ANO10: variants seen among roughly 807,000 people sequenced by gnomAD.
ANO10 encodes the protein anoctamin-10.
ANO10 carries 77 observed loss-of-function variants against 74.7 expected under a neutral mutation model. That is an observed-to-expected ratio of 1.03 (90% CI 0.86 to 1.25). The LOEUF (loss-of-function observed/expected upper bound fraction) is 1.25. ANO10 is among the 50% of genes most tolerant of loss of function. The pLI, the probability that ANO10 is intolerant of heterozygous loss-of-function variation, is 0.00. For missense variants in ANO10, 721 were observed against 778.1 expected (o/e 0.93, Z 0.87); for synonymous variants, 279 against 284.9 (o/e 0.98, Z 0.21).
intron 11 of ANO10, among the ~76,000 whole-genome samples, chr3:43,534,838 C>A (rs2078634343): frequency 6.6e-6 from 1 of 152,164 alleles, no homozygotes; most frequent in Admixed American, 6.5e-5. Flanking sequence ...AATTACAGTG[C>A]TGCAAACCAG....
At chr3:43,579,306 T>G (rs1265011011) in intron 5 of ANO10, among the ~76,000 whole-genome samples, 4 of 152,224 alleles carry the variant, frequency 2.6e-5, no homozygotes, top group Non-Finnish European at 5.9e-5. Context: ...AAAAGATGTT[T>G]GGCCTGCTAG....
intron 11 of ANO10, among the ~76,000 whole-genome samples, chr3:43,474,175 C>T (rs148063296): frequency 4.3e-4 from 66 of 152,294 alleles, no homozygotes; most frequent in African/African-American, 1.3e-3. Flanking sequence ...ACTGATTACA[C>T]GTGGTCATAC....
intron 1 of ANO10, among the ~76,000 whole-genome samples, chr3:43,675,697 A>G (rs2084113025): frequency 1.3e-5 from 2 of 152,110 alleles, no homozygotes; most frequent in African/African-American, 4.8e-5. Flanking sequence ...CTACACACCC[A>G]TCACTACACA....
At chr3:43,584,095 G>T (rs970536080) in intron 4 of ANO10, among the ~76,000 whole-genome samples, 8 of 152,222 alleles carry the variant, frequency 5.3e-5, no homozygotes, top group Non-Finnish European at 1.2e-4. Context: ...GGAGAAGGCA[G>T]AGTCTGAGGG....
In ANO10 at chr3:43,577,245, G is replaced by C; in HGVS notation, c.609C>G (p.Tyr203Ter). 6.2e-7 allele frequency: 1 copy of C among 1,613,636 alleles called. No individual in the cohort carries two copies. The highest frequency in any genetic ancestry group is 2.2e-5 in the East Asian group (1 of 44,882). ...AGTACAGAGCAATTGTTTCCCCAAAGTAGCCACGAATACTGTCTATAGTGG... is the reference window on the plus strand; with the variant it reads ...AGTACAGAGCAATTGTTTCCCCAAACTAGCCACGAATACTGTCTATAGTGG... ...KYQPIDSIRGYFGETIALYFG... is the reference protein window; with the variant it reads ...KYQPIDSIRG The change falls in exon 6 of 13, where the codon TAC (tyrosine) becomes TAG (stop). Residue 203 changes from tyrosine (Y) to a stop codon, truncating the protein, a stop_gained. Coordinates refer to ENST00000292246, the MANE Select transcript of ANO10 (RefSeq NM_018075.5). LOFTEE classifies it high-confidence loss of function.
At chr3:43,492,918 C>T (rs1173510648) in intron 11 of ANO10, among the ~76,000 whole-genome samples, 1 of 152,024 alleles carries the variant, frequency 6.6e-6, no homozygotes, top group Admixed American at 6.6e-5. Flanking sequence ...ACCATTTGAC[C>T]CAGCCATCCC....
At chr3:43,639,959 C>T (rs147629027) in intron 1 of ANO10, among the ~76,000 whole-genome samples, 2 of 152,176 alleles carry the variant, frequency 1.3e-5, no homozygotes, top group South Asian at 2.1e-4. Flanking sequence ...ACTGGAGTGT[C>T]GCTAGCCTAA....
chr3:43,525,907 G>C (rs1256253076), intron 11 of ANO10, among the ~76,000 whole-genome samples: 2 of 152,024 alleles, frequency 1.3e-5, no homozygotes, highest in Non-Finnish European at 2.9e-5. Flanking sequence ...TAAATCCAAG[G>C]GTCTGCTGCC....
intron 11 of ANO10, among the ~76,000 whole-genome samples, chr3:43,512,571 G>A (rs1290654571): frequency 3.3e-5 from 5 of 152,068 alleles, no homozygotes; most frequent in Non-Finnish European, 5.9e-5. Flanking sequence ...GATATATTAC[G>A]TTTTGCAGTG....
chr3:43,466,499 C>T (rs1307384211), intron 11 of ANO10, among the ~76,000 whole-genome samples: 2 of 151,054 alleles, frequency 1.3e-5, no homozygotes, highest in East Asian at 1.9e-4. Context: ...AGACAAGGTG[C>T]GAAAGTAATC....
chr3:43,470,108 A>G (rs1179364317), intron 11 of ANO10, among the ~76,000 whole-genome samples: 1 of 152,236 alleles, frequency 6.6e-6, no homozygotes, highest in East Asian at 1.9e-4. Flanking sequence ...TAAATTGATA[A>G]ACAAACTGTT....
intron 11 of ANO10, among the ~76,000 whole-genome samples, chr3:43,489,788 T>C (rs939104717): frequency 6.6e-6 from 1 of 152,018 alleles, no homozygotes; most frequent in African/African-American, 2.4e-5. Context: ...TACAAAACAG[T>C]CTCTTTGCCT....
At chr3:43,565,123 A>AT (rs1452507900) in intron 8 of ANO10, among the ~76,000 whole-genome samples, 1 of 152,244 alleles carries the variant, frequency 6.6e-6, no homozygotes, top group African/African-American at 2.4e-5. Flanking sequence ...TGGTTCAAAT[A>AT]TAAAAAGGAG....
At chr3:43,551,394 A>G (rs1488015752) in intron 10 of ANO10, 5 of 393,250 alleles carry the variant, frequency 1.3e-5, no homozygotes, top group Non-Finnish European at 2.5e-5. Context: ...AATCACCTAT[A>G]TTGAGTTATA....
At position 43,365,933 on chromosome 3, in the gene ANO10, G is replaced by A. The variant is rs1559478457; in HGVS notation, c.*973C>T. 6.6e-6 allele frequency: 1 copy of A among 152,606 alleles called. No homozygotes were observed. The highest frequency in any genetic ancestry group is 1.9e-4 in the East Asian group (1 of 5,192). The allele number at this position is 152,606 out of a possible 1,614,324, so 9.5% of individuals were successfully genotyped here. ...ACAGCAGGACGGCCAGCGCTGGTGG[G>A]AAGGGCTGTATACGTGGGCAGCACT... On this transcript the variant is annotated 3_prime_UTR_variant, in exon 13 of 13. Transcript: ENST00000292246.
At chr3:43,523,607 T>C (rs977303764) in intron 11 of ANO10, among the ~76,000 whole-genome samples, 1 of 152,034 alleles carries the variant, frequency 6.6e-6, no homozygotes, top group African/African-American at 2.4e-5. Context: ...CAGTAGCTGT[T>C]TGAGTGTGAG....
At chr3:43,636,273 G>T (rs941262612) in intron 1 of ANO10, 1 of 152,370 alleles carries the variant, frequency 6.6e-6, no homozygotes, top group East Asian at 1.9e-4. Context: ...GTCAGTGAGG[G>T]AGCTGGTTGA....
intron 1 of ANO10, among the ~76,000 whole-genome samples, chr3:43,610,172 T>TTTAAAAACTAAGAC (rs1274256851): frequency 1.0e-5 from 1 of 100,102 alleles, no homozygotes; most frequent in Non-Finnish European, 2.2e-5. Context: ...AAGACACAAA[T>TTTAAAAACTAAGAC]ACATTAACCT....
At chr3:43,600,259 T>C in intron 3 of ANO10, 125 bp downstream of exon 3, 2 of 1,130,122 alleles carry the variant, frequency 1.8e-6, no homozygotes, top group Non-Finnish European at 1.3e-6. Context: ...CCACACGGAC[T>C]GCAAAACCTA....
Sources: allele counts gnomAD v4.1 joint callset (sites outside exome capture counted in the v4.1 genomes callset), GRCh38; gene constraint gnomAD v4.1.1; transcripts MANE v1.5; gene names NCBI Gene and HGNC (gene_info 2026-07-23, HGNC 2026-07-21).